AGBL4: variants seen among roughly 807,000 people sequenced by gnomAD.
AGBL4 encodes AGBL carboxypeptidase 4, also known as cytosolic carboxypeptidase 6.
AGBL4 carries 58 observed loss-of-function variants against 66.4 expected under a neutral mutation model. The ratio of observed to expected loss-of-function variants is 0.87; its 90% CI spans 0.71 to 1.09. The LOEUF (loss-of-function observed/expected upper bound fraction) is 1.09. Among genes scored for constraint, AGBL4 ranks in the 50% least tolerant of loss-of-function variants. The pLI, the probability that AGBL4 is intolerant of heterozygous loss-of-function variation, is 0.00. For synonymous variants in AGBL4, 234 were observed against 222.9 expected (o/e 1.05, Z -0.44); for missense variants, 579 against 631.0 (o/e 0.92, Z 0.88).
At chr1:49,630,334 T>C (rs1645546858) in intron 3 of AGBL4, among the ~76,000 whole-genome samples, 1 of 152,190 alleles carries the variant, frequency 6.6e-6, no homozygotes, top group South Asian at 2.1e-4. Context: ...CCTTGGAGTA[T>C]AGCATGTTCT....
At chr1:49,729,288 G>A (rs908513886) in intron 2 of AGBL4, among the ~76,000 whole-genome samples, 3 of 152,028 alleles carry the variant, frequency 2.0e-5, no homozygotes, top group African/African-American at 7.2e-5. Context: ...AAATACACTC[G>A]CAGCTGCATT....
chr1:49,398,975 C>T (rs1164550624), intron 3 of AGBL4, among the ~76,000 whole-genome samples: 1 of 152,064 alleles, frequency 6.6e-6, no homozygotes, highest in East Asian at 1.9e-4. Flanking sequence ...TTAACAATCC[C>T]CATTTCCCTG....
At chr1:49,010,113 T>G (rs1472761521) in intron 5 of AGBL4, among the ~76,000 whole-genome samples, 1 of 152,178 alleles carries the variant, frequency 6.6e-6, no homozygotes, top group Non-Finnish European at 1.5e-5. Context: ...ACGACATGAT[T>G]GTATATCTAG....
At chr1:49,635,754 G>A (rs1645658823) in intron 3 of AGBL4, among the ~76,000 whole-genome samples, 1 of 152,166 alleles carries the variant, frequency 6.6e-6, no homozygotes, top group Admixed American at 6.5e-5. Context: ...AGAGTTGGAG[G>A]AAGGGAGAGA....
At chr1:49,694,620 T>A (rs979877540) in intron 3 of AGBL4, among the ~76,000 whole-genome samples, 21 of 152,180 alleles carry the variant, frequency 1.4e-4, no homozygotes, top group African/African-American at 3.9e-4. Context: ...CCAACTCTCT[T>A]GTAAGAGTAA....
chr1:49,709,739 T>A (rs1331517354), intron 2 of AGBL4, among the ~76,000 whole-genome samples: 1 of 151,902 alleles, frequency 6.6e-6, no homozygotes, highest in Non-Finnish European at 1.5e-5. Context: ...CTTAAACAAA[T>A]TTACAAGAAA....
chr1:49,825,340 C>T (rs963066668), intron 2 of AGBL4, among the ~76,000 whole-genome samples: 3 of 152,110 alleles, frequency 2.0e-5, no homozygotes, highest in African/African-American at 7.2e-5. Flanking sequence ...AGGAAGGGGA[C>T]AAAAAATTTA....
intron 3 of AGBL4, among the ~76,000 whole-genome samples, chr1:49,661,721 A>G (rs1252436459): frequency 1.3e-5 from 2 of 152,126 alleles, no homozygotes; most frequent in South Asian, 2.1e-4. Context: ...CAGCCGTTGT[A>G]CACTGTTGGT....
chr1:48,718,610 G>A (rs1486899028), intron 6 of AGBL4, among the ~76,000 whole-genome samples: 5 of 152,176 alleles, frequency 3.3e-5, no homozygotes, highest in African/African-American at 1.2e-4. Flanking sequence ...TTCCTGGTGG[G>A]AGGGAGAGGT....
chr1:49,677,480 T>C (rs1180545080), intron 3 of AGBL4, among the ~76,000 whole-genome samples: 1 of 152,144 alleles, frequency 6.6e-6, no homozygotes, highest in African/African-American at 2.4e-5. Flanking sequence ...TCTTTTTATA[T>C]ATTGATAAAT....
At chr1:49,832,225 C>A in intron 2 of AGBL4, among the ~76,000 whole-genome samples, 1 of 151,454 alleles carries the variant, frequency 6.6e-6, no homozygotes, top group Non-Finnish European at 1.5e-5. Context: ...CAATTCCCAC[C>A]TATGAGTGAG....
At chr1:49,395,299 T>C (rs547990441) in intron 3 of AGBL4, among the ~76,000 whole-genome samples, 2 of 152,260 alleles carry the variant, frequency 1.3e-5, no homozygotes, top group African/African-American at 4.8e-5. Flanking sequence ...ATCATTTAGG[T>C]ACAAGTATCA....
intron 3 of AGBL4, among the ~76,000 whole-genome samples, chr1:49,652,511 G>A (rs1209157456): frequency 1.3e-5 from 2 of 152,128 alleles, no homozygotes; most frequent in African/African-American, 2.4e-5. Context: ...TGAGACACAG[G>A]AGTTTTTGCA....
chr1:48,962,323 C>T (rs1658069374), intron 5 of AGBL4, among the ~76,000 whole-genome samples: 1 of 152,178 alleles, frequency 6.6e-6, no homozygotes, highest in African/African-American at 2.4e-5. Context: ...CAAGAAATTA[C>T]ATGCTAGAAA....
chr1:49,995,152 G>A (rs1201675258), intron 1 of AGBL4: 1 of 456,194 alleles, frequency 2.2e-6, no homozygotes, highest in Non-Finnish European at 4.4e-6. Context: ...CTGGGAAAGG[G>A]GTGACCCAGG....
At chr1:49,724,470 T>C (rs948184648) in intron 2 of AGBL4, among the ~76,000 whole-genome samples, 1 of 152,152 alleles carries the variant, frequency 6.6e-6, no homozygotes, top group African/African-American at 2.4e-5. Context: ...CTGACATTAA[T>C]TGAATCACTT....
chr1:48,631,508 A>C (rs1645593043), intron 9 of AGBL4, among the ~76,000 whole-genome samples: 1 of 152,170 alleles, frequency 6.6e-6, no homozygotes, highest in Admixed American at 6.5e-5. Context: ...CTCCTGCCTC[A>C]GCCTCCTGAG....
intron 2 of AGBL4, among the ~76,000 whole-genome samples, chr1:49,805,930 C>T (rs1256151184): frequency 6.6e-6 from 1 of 152,180 alleles, no homozygotes; most frequent in East Asian, 1.9e-4. Context: ...TGTTTAAAAG[C>T]TTCCCAGCTT....
At chr1:49,494,544 G>C (rs961786666) in intron 3 of AGBL4, among the ~76,000 whole-genome samples, 2 of 151,758 alleles carry the variant, frequency 1.3e-5, no homozygotes, top group Non-Finnish European at 2.9e-5. Context: ...TTGTTCTTGC[G>C]ATAGTTTACT....
Sources: allele counts gnomAD v4.1 joint callset (sites outside exome capture counted in the v4.1 genomes callset), GRCh38; gene constraint gnomAD v4.1.1; transcripts MANE v1.5; gene names NCBI Gene and HGNC (gene_info 2026-07-23, HGNC 2026-07-21).